The following MMP24 variants were observed in gnomAD, a reference collection of about 807,000 sequenced individuals.
MMP24 encodes matrix metalloproteinase-24.
A neutral mutation model predicts 62.8 loss-of-function variants in MMP24; 25 were observed. The observed-to-expected ratio is 0.40, with a 90% CI of 0.29 to 0.56. The LOEUF (loss-of-function observed/expected upper bound fraction) is 0.56. Among genes scored for constraint, MMP24 ranks in the 20% least tolerant of loss-of-function variants. The pLI is 0.50. For synonymous variants in MMP24, 319 were observed against 350.5 expected, an observed-to-expected ratio of 0.91 and a Z score of 1.00; for missense variants, 634 against 853.6, an observed-to-expected ratio of 0.74 and a Z score of 3.21.
intron 1 of MMP24, among the ~76,000 whole-genome samples, chr20:35,229,732 G>C (rs769730631): frequency 6.6e-6 from 1 of 151,924 alleles, no homozygotes; most frequent in African/African-American, 2.4e-5. Flanking sequence ...TATTGATAAC[G>C]CATCCTTACT....
intron 1 of MMP24, among the ~76,000 whole-genome samples, chr20:35,237,581 T>C (rs955750466): frequency 1.3e-5 from 2 of 152,332 alleles, no homozygotes; most frequent in African/African-American, 4.8e-5. Flanking sequence ...TGTGGCTGTC[T>C]TTGAAGGGTC....
chr20:35,275,656 TG>T lies in MMP24; in HGVS notation c.*1050del. 5.5e-6 allele frequency: 1 copy of T among 181,634 alleles called. No individual in the cohort carries two copies. The highest frequency in any genetic ancestry group is 1.4e-4 in the East Asian group (1 of 7,354). 11.3% of individuals were successfully genotyped at this position (181,634 alleles called of 1,614,324 possible). ...CTGCAGGGCCAACACTGGCAGAGCC[TG>T]GGAGTCCTTCGGAAGGGGACCAGGG... On this transcript the variant is annotated 3_prime_UTR_variant, in exon 9 of 9. Coordinates refer to ENST00000246186, the MANE Select transcript of MMP24 (RefSeq NM_006690.4).
At chr20:35,273,030 TAGAC>T (rs1478049234) in intron 8 of MMP24, among the ~76,000 whole-genome samples, 1 of 152,170 alleles carries the variant, frequency 6.6e-6, no homozygotes, top group East Asian at 1.9e-4. Context: ...TCCATAATAA[TAGAC>T]AGCTTGTGTG....
chr20:35,263,647 T>C, intron 4 of MMP24, 144 bp from the exon 5 acceptor site: 1 of 607,412 alleles, frequency 1.6e-6, no homozygotes, highest in South Asian at 2.7e-5. Flanking sequence ...GCAGGGGTTG[T>C]GCCTGATTTC....
chr20:35,259,012 C>G (rs1013941319), intron 4 of MMP24, among the ~76,000 whole-genome samples: 3 of 152,020 alleles, frequency 2.0e-5, no homozygotes, highest in African/African-American at 7.3e-5. Flanking sequence ...AAAACCCCGT[C>G]TCTACTAAAA....
rs900684227 is a variant in MMP24, at chr20:35,271,363, A to G, written c.1334-206A>G. Reference sequence around the variant, plus strand: ...CAGAGAGGAGAGAGGAGCAAGTCACATGAACAAAAGAGGGTGGGACTCGGA... The same window carrying G: ...CAGAGAGGAGAGAGGAGCAAGTCACGTGAACAAAAGAGGGTGGGACTCGGA... On this transcript the variant is annotated intron_variant, in intron 7 of 8. Transcript: ENST00000246186. This position sits in a 1 kb window ranked among gnomAD's most constrained non-coding sequence, Gnocchi z 4.0. Among the ~76,000 whole-genome samples, 2 of 152,226 alleles carry G rather than the reference A, an allele frequency of 1.3e-5. No homozygotes were observed. The highest frequency in any genetic ancestry group is 4.8e-5 in the African/African-American group (2 of 41,456).
chr20:35,237,038 G>A (rs998054630), intron 1 of MMP24, among the ~76,000 whole-genome samples: 34 of 151,364 alleles, frequency 2.2e-4, no homozygotes, highest in Non-Finnish European at 4.6e-4. Context: ...ATGGAGCCAA[G>A]CGTCTCTGCC....
intron 4 of MMP24, among the ~76,000 whole-genome samples, chr20:35,257,372 T>C (rs1684122277): frequency 6.6e-6 from 1 of 152,222 alleles, no homozygotes. Context: ...CTTTATCTCA[T>C]TCTTATTTTT....
chr20:35,264,016 C>T (rs2060618535), intron 5 of MMP24, 64 bp downstream of exon 5: 13 of 1,496,394 alleles, frequency 8.7e-6, no homozygotes, highest in Non-Finnish European at 1.2e-5. Flanking sequence ...GCCTACCTGT[C>T]ATGGGGCAGG....
At position 35,269,987 on chromosome 20, in the gene MMP24, G is replaced by C; in HGVS notation, c.1333+89G>C. On this transcript the variant is annotated intron_variant, in intron 7 of 8. Coordinates refer to ENST00000246186, the MANE Select transcript of MMP24 (RefSeq NM_006690.4). The surrounding 1 kb of genome is among the most constrained non-coding windows in gnomAD (Gnocchi z 4.6). ...CTAAACTGGAAGAGGCGGGGTGGGA[G>C]GCAGATGTCCTCAGAGGGCCCCTCT... 1.3e-6 allele frequency: 2 copies of C among 1,490,988 alleles called. No homozygotes were observed. Among genetic ancestry groups the C allele is most frequent in the Non-Finnish European group, 1.8e-6 (2 of 1,106,192 alleles). The allele number at this position is 1,490,988 out of a possible 1,614,324, so 92.4% of individuals were successfully genotyped here.
chr20:35,248,614 C>T (rs756046939), intron 2 of MMP24, among the ~76,000 whole-genome samples: 1 of 152,044 alleles, frequency 6.6e-6, no homozygotes, highest in Non-Finnish European at 1.5e-5. Context: ...AGCCTAGATT[C>T]CATTATTTTA....
At position 35,263,819 on chromosome 20, in the gene MMP24, T is replaced by A; in HGVS notation, c.846T>A (p.His282Gln). The change falls in exon 5 of 9, where the codon CAT becomes CAA. Residue 282 changes from histidine (H) to glutamine (Q), a missense_variant. Physicochemically the swap from His to Gln is conservative, Grantham distance 24. Around this residue, in one of 3 missense-constraint regions of MMP24, gnomAD observed 399 missense variants for 530.8 expected, o/e 0.75. Transcript: ENST00000246186. ...DGNDLFLVAVHELGHALGLEH... is the reference protein window; with the variant it reads ...DGNDLFLVAVQELGHALGLEH... ...ACGACCTCTTCCTGGTGGCTGTGCATGAGCTGGGCCACGCGCTGGGACTGG... is the reference window on the plus strand; with the variant it reads ...ACGACCTCTTCCTGGTGGCTGTGCAAGAGCTGGGCCACGCGCTGGGACTGG... 1 of 1,595,628 alleles carries A rather than the reference T, an allele frequency of 6.3e-7. No individual in the cohort carries two copies. Among genetic ancestry groups the A allele is most frequent in the Non-Finnish European group, 8.5e-7 (1 of 1,171,004 alleles).
intron 6 of MMP24, chr20:35,267,738 C>G: frequency 2.5e-6 from 1 of 400,004 alleles, no homozygotes; most frequent in South Asian, 2.5e-5. Context: ...CTGGGGGAGT[C>G]ATTCCTCTAA....
intron 2 of MMP24, among the ~76,000 whole-genome samples, chr20:35,247,316 T>C (rs1260070217): frequency 5.3e-5 from 8 of 152,196 alleles, no homozygotes; most frequent in Non-Finnish European, 5.9e-5. Flanking sequence ...GGTCACCCTC[T>C]GGAGTTCCCT....
chr20:35,232,037 C>T (rs1283581844), intron 1 of MMP24, among the ~76,000 whole-genome samples: 3 of 152,088 alleles, frequency 2.0e-5, no homozygotes, highest in Admixed American at 6.6e-5. Context: ...AGTGAATCTC[C>T]GTCTCAGAAG....
Position 35,269,383 on chromosome 20 carries a change from C to G in MMP24, c.1195-377C>G, listed in dbSNP as rs1295577135. Among the ~76,000 whole-genome samples, 1 of 152,216 alleles carries G rather than the reference C, an allele frequency of 6.6e-6. No homozygotes were observed. The highest frequency in any genetic ancestry group is 1.5e-5 in the Non-Finnish European group (1 of 68,036). ...CCAGCCTCATGGAGGGCGCTCGGCC[C>G]AGGCTCAGTGACCACCCCAGCCTCC... On this transcript the variant is annotated intron_variant, in intron 6 of 8. Coordinates refer to ENST00000246186, the MANE Select transcript of MMP24 (RefSeq NM_006690.4). This position sits in a 1 kb window ranked among gnomAD's most constrained non-coding sequence, Gnocchi z 4.6.
Position 35,274,260 on chromosome 20 carries a change from G to A in MMP24, c.1601-12G>A, listed in dbSNP as rs1288558406. On this transcript the variant is annotated splice_polypyrimidine_tract_variant and intron_variant, in intron 8 of 8. Coordinates refer to ENST00000246186, the MANE Select transcript of MMP24 (RefSeq NM_006690.4). This position sits in a 1 kb window ranked among gnomAD's most constrained non-coding sequence, Gnocchi z 5.1. Reference sequence around the variant, plus strand: ...TGTCTGGGAGTGGTGATGCTGGGCTGTATTTCTGCAGATTACACCTATTTC... The same window carrying A: ...TGTCTGGGAGTGGTGATGCTGGGCTATATTTCTGCAGATTACACCTATTTC... 6.3e-7 allele frequency: 1 copy of A among 1,595,214 alleles called. No individual in the cohort carries two copies. The highest frequency in any genetic ancestry group is 2.2e-5 in the East Asian group (1 of 44,774).
intron 1 of MMP24, among the ~76,000 whole-genome samples, chr20:35,240,708 C>G (rs2060484851): frequency 6.6e-6 from 1 of 152,084 alleles, no homozygotes; most frequent in Admixed American, 6.6e-5. Flanking sequence ...GTGCTTGGTG[C>G]TTTCAGTGTA....
rs766437905 is a variant in MMP24 at position 35,267,332 on chromosome 20, G to T, written c.1107G>T (p.Arg369=). 6.3e-6 allele frequency: 10 copies of T among 1,586,876 alleles called. No homozygotes were observed. The highest frequency in any genetic ancestry group is 8.6e-6 in the Non-Finnish European group (10 of 1,167,400). Residue 369 remains arginine (R), a synonymous_variant, in exon 6 of 9, where the codon CGG becomes CGT. Coordinates refer to ENST00000246186, the MANE Select transcript of MMP24 (RefSeq NM_006690.4). ...CCCCTCGGCCGCCCCTCGGGGACCGGCCATCCACACCAGGCACCAAACCCA... is the reference window on the plus strand; with the variant it reads ...CCCCTCGGCCGCCCCTCGGGGACCGTCCATCCACACCAGGCACCAAACCCA... The part of the protein sequence containing the change: ...PRPPRPPLGD[R]PSTPGTKPNI...
Sources: allele counts gnomAD v4.1 joint callset (sites outside exome capture counted in the v4.1 genomes callset), GRCh38; gene constraint gnomAD v4.1.1; regional missense constraint gnomAD v4.1.1; non-coding constraint Gnocchi (gnomAD v3.1); transcripts MANE v1.5; gene names NCBI Gene and HGNC (gene_info 2026-07-23, HGNC 2026-07-21).